Variants in PYGM observed in about 807,000 individuals in gnomAD.
PYGM encodes the protein glycogen phosphorylase, muscle associated, also known as glycogen phosphorylase, muscle form.
A neutral mutation model predicts 99.3 loss-of-function variants in PYGM; 81 were observed. The ratio of observed to expected loss-of-function variants is 0.82; its 90% CI spans 0.68 to 0.98. The LOEUF is 0.98. PYGM is among the 50% of genes least tolerant of loss of function. PYGM has a pLI of 0.00. For missense variants in PYGM, 1,030 were observed against 1,158.1 expected, an observed-to-expected ratio of 0.89 and a Z score of 1.61; for synonymous variants, 436 against 451.5, an observed-to-expected ratio of 0.97 and a Z score of 0.44.
rs761724503 is a variant in PYGM, at chr11:64,753,670, C to T, written c.1252G>A (p.Ala418Thr). 6.2e-6 allele frequency: 10 copies of T among 1,606,942 alleles called. No homozygotes were observed. The highest frequency in any genetic ancestry group is 5.0e-5 in the Admixed American group (3 of 59,742). ...NQRFLNRVAA[A>T]FPGDVDRLRR... ...AGCCGGTCTACGTCCCCTGGGAATG[C>T]GGCCGCCACCCGCTGTGCCCAGAGA... Residue 418 changes from alanine (A) to threonine (T), a missense_variant, in exon 11 of 20, where the codon GCA (alanine) becomes ACA (threonine). Coordinates refer to ENST00000164139, the MANE Select transcript of PYGM (RefSeq NM_005609.4).
rs2058382137 is a variant in PYGM, at chr11:64,754,668, G to C, written c.999+25C>G. ...GCCTAGCACACACTGTCCGGTCACA[G>C]AGTCGCCCTCCACACGCATGGTACC... On this transcript the variant is annotated intron_variant, in intron 8 of 19. Transcript: ENST00000164139. This position sits in a 1 kb window ranked among gnomAD's most constrained non-coding sequence, Gnocchi z 5.5. 6.2e-7 allele frequency: 1 copy of C among 1,611,850 alleles called. No individual in the cohort carries two copies. Among genetic ancestry groups the C allele is most frequent in the South Asian group, 1.1e-5 (1 of 90,842 alleles).
chr11:64,749,636 C>T (rs1304360131), intron 17 of PYGM, among the ~76,000 whole-genome samples: 1 of 149,676 alleles, frequency 6.7e-6, no homozygotes. Flanking sequence ...AGCGAGACTC[C>T]GTCTCAAAAA....
Position 64,754,121 on chromosome 11 carries a change from G to A in PYGM, c.1093-96C>T. ...AGTGGGCCCCCCCACTGCAGTGCCA[G>A]GTTCCAGGACGGTCCCTCTGGCCTC... On this transcript the variant is annotated intron_variant, in intron 9 of 19. Transcript: ENST00000164139. The surrounding 1 kb of genome is among the most constrained non-coding windows in gnomAD (Gnocchi z 5.5). The A allele has an allele frequency of 6.2e-7, 1 of 1,600,474 alleles. No homozygotes were observed. Among genetic ancestry groups the A allele is most frequent in the Non-Finnish European group, 8.6e-7 (1 of 1,169,108 alleles).
chr11:64,757,458 C>G (rs562795893), intron 5 of PYGM, among the ~76,000 whole-genome samples: 53 of 152,144 alleles, frequency 3.5e-4, no homozygotes, highest in Non-Finnish European at 6.3e-4. Context: ...CTGCTGCTGT[C>G]GAGATGTTCA....
chr11:64,754,960 C>T lies in PYGM; in HGVS notation c.856-124G>A. On this transcript the variant is annotated intron_variant, in intron 7 of 19. Coordinates refer to ENST00000164139, the MANE Select transcript of PYGM (RefSeq NM_005609.4). This position sits in a 1 kb window ranked among gnomAD's most constrained non-coding sequence, Gnocchi z 5.5. ...CCTGAGCCCTGAGCCGGCCCCCTCT[C>T]TGGGACCCAGGGGCCTTTCCTCCAC... The T allele has an allele frequency of 7.3e-7, 1 of 1,374,656 alleles. No homozygotes were observed. Among genetic ancestry groups the T allele is most frequent in the Non-Finnish European group, 9.9e-7 (1 of 1,012,666 alleles). 85.2% of individuals were successfully genotyped at this position (1,374,656 alleles called of 1,614,324 possible).
At position 64,751,960 on chromosome 11, in the gene PYGM, G is replaced by A. The variant is rs753587100; in HGVS notation, c.1732C>T (p.Leu578Phe). 1 of 1,614,212 alleles carries A rather than the reference G, an allele frequency of 6.2e-7. No homozygotes were observed. Among genetic ancestry groups the A allele is most frequent in the Non-Finnish European group, 8.5e-7 (1 of 1,180,034 alleles). Residue 578 changes from leucine to phenylalanine, a missense_variant, in exon 14 of 20, where the codon CTC (leucine) becomes TTC (phenylalanine). Physicochemically the swap from Leu to Phe is conservative, Grantham distance 22. Coordinates refer to ENST00000164139, the MANE Select transcript of PYGM (RefSeq NM_005609.4). Reference protein sequence around the residue: ...VKRIHEYKRQLLNCLHVITLY... With the variant: ...VKRIHEYKRQFLNCLHVITLY... ...GTGATGACATGGAGGCAGTTGAGGA[G>A]CTGTCGTTTATATTCGTGAATCCGC...
chr11:64,747,028 G>C, intron 18 of PYGM, 41 bp from the exon 19 acceptor site: 1 of 1,605,996 alleles, frequency 6.2e-7, no homozygotes, highest in East Asian at 2.2e-5. Flanking sequence ...CCTTTAGGGG[G>C]CTAGGATAAG....
At position 64,755,667 on chromosome 11, in the gene PYGM, G is replaced by A. The variant is rs2058389912; in HGVS notation, c.661-109C>T. ...CTGCACTCTGCAGACCCAGGCTCTTGTCCTTGTCTAGCATCGATGAGCTGG... is the reference window on the plus strand; with the variant it reads ...CTGCACTCTGCAGACCCAGGCTCTTATCCTTGTCTAGCATCGATGAGCTGG... On this transcript the variant is annotated intron_variant, in intron 5 of 19. Transcript: ENST00000164139. This position sits in a 1 kb window ranked among gnomAD's most constrained non-coding sequence, Gnocchi z 4.1. 2 of 833,944 alleles carry A rather than the reference G, an allele frequency of 2.4e-6. No homozygotes were observed. Among genetic ancestry groups the A allele is most frequent in the African/African-American group, 1.7e-5 (1 of 59,294 alleles). The allele number at this position is 833,944 out of a possible 1,614,324, so 51.7% of individuals were successfully genotyped here. A position where few individuals can be genotyped will look rare whatever the true frequency, so the allele number is the denominator to read the frequency against.
At position 64,755,616 on chromosome 11, in the gene PYGM, C is replaced by G; in HGVS notation, c.661-58G>C. 2.9e-6 allele frequency: 4 copies of G among 1,358,128 alleles called. No homozygotes were observed. Among genetic ancestry groups the G allele is most frequent in the Non-Finnish European group, 4.2e-6 (4 of 955,182 alleles). The allele number at this position is 1,358,128 out of a possible 1,614,324, so 84.1% of individuals were successfully genotyped here. A position where few individuals can be genotyped will look rare whatever the true frequency, so the allele number is the denominator to read the frequency against. On this transcript the variant is annotated intron_variant, in intron 5 of 19. Transcript: ENST00000164139. This position sits in a 1 kb window ranked among gnomAD's most constrained non-coding sequence, Gnocchi z 4.1. ...GCCCTGGCAATTGCCTCCCTCCCCT[C>G]AGGGCTGGGACTCAAGGCTTTATCC...
At chr11:64,752,786 A>C (rs1239680068) in intron 12 of PYGM, among the ~76,000 whole-genome samples, 1 of 152,002 alleles carries the variant, frequency 6.6e-6, no homozygotes, top group Non-Finnish European at 1.5e-5. Flanking sequence ...CGCCTTCCCT[A>C]CCAGATATCT....
chr11:64,756,401 G>A (rs563147416), intron 5 of PYGM, among the ~76,000 whole-genome samples: 8 of 152,354 alleles, frequency 5.3e-5, no homozygotes, highest in Admixed American at 5.2e-4. Flanking sequence ...CCATCTGGGG[G>A]CTGATGACCT....
rs759361512 is a variant in PYGM, at chr11:64,758,515, G to C, written c.346C>G (p.Leu116Val). The C allele has an allele frequency of 1.9e-5, 30 of 1,613,998 alleles. No individual in the cohort carries two copies. Among genetic ancestry groups the C allele is most frequent in the Non-Finnish European group, 2.5e-5 (30 of 1,180,026 alleles). Reference sequence around the variant, plus strand: ...TCCAGCTCCTCCATGTCCAGGCCCAGCTGGAGGAGTGAGGGTGACAGTGGT... The same window carrying C: ...TCCAGCTCCTCCATGTCCAGGCCCACCTGGAGGAGTGAGGGTGACAGTGGT... Reference protein sequence around the residue: ...ENACDEATYQLGLDMEELEEI... With the variant: ...ENACDEATYQVGLDMEELEEI... The change falls in exon 3 of 20, where the codon CTG becomes GTG. Residue 116 changes from leucine to valine, a missense_variant and splice_region_variant. Transcript: ENST00000164139.
Position 64,759,642 on chromosome 11 carries a change from C to A in PYGM, c.243+14G>T. 13 of 1,613,066 alleles carry A rather than the reference C, an allele frequency of 8.1e-6. No homozygotes were observed. Among genetic ancestry groups the A allele is most frequent in the Non-Finnish European group, 1.0e-5 (12 of 1,179,800 alleles). On this transcript the variant is annotated intron_variant, in intron 1 of 19. Coordinates refer to ENST00000164139, the MANE Select transcript of PYGM (RefSeq NM_005609.4). ...CTTCAGCCCATACCCCCACCCCAGG[C>A]TCCCCAGCAGCACCTTGGGGTCCTT...
chr11:64,746,518 A>G lies in PYGM; in HGVS notation c.*141T>C. On this transcript the variant is annotated 3_prime_UTR_variant, in exon 20 of 20. Transcript: ENST00000164139. ...GTCCTTAGTCACGCTGGACACTGGG[A>G]CATTGAGAGTGGGGAAAATGAGGGT... is the stretch of plus-strand genomic sequence containing the variant. 3 of 1,186,542 alleles carry G rather than the reference A, an allele frequency of 2.5e-6. No homozygotes were observed. Among genetic ancestry groups the G allele is most frequent in the Non-Finnish European group, 3.6e-6 (3 of 822,064 alleles). 73.5% of individuals were successfully genotyped at this position (1,186,542 alleles called of 1,614,324 possible).
intron 17 of PYGM, among the ~76,000 whole-genome samples, chr11:64,749,950 G>C (rs961964506): frequency 6.6e-6 from 1 of 151,852 alleles, no homozygotes; most frequent in Admixed American, 6.6e-5. Flanking sequence ...CTGCCAACAC[G>C]CCCGGCTAAT....
chr11:64,754,287 A>T lies in PYGM; in HGVS notation c.1058T>A (p.Ile353Asn). The T allele has an allele frequency of 1.1e-5, 17 of 1,613,718 alleles. No homozygotes were observed. Among genetic ancestry groups the T allele is most frequent in the Non-Finnish European group, 1.4e-5 (17 of 1,179,910 alleles). ...GTCCATCCGTTCCAGGTCCACCAGG[A>T]TCCTCATCAGCTCGGGGATGGCCAG... ...PSLAIPELMR[I>N]LVDLERMDWD... The change falls in exon 9 of 20, where the codon ATC (isoleucine) becomes AAC (asparagine). Residue 353 changes from isoleucine (I) to asparagine (N), a missense_variant. Transcript: ENST00000164139. This position sits in a 1 kb window ranked among gnomAD's most constrained non-coding sequence, Gnocchi z 5.5.
intron 2 of PYGM, 24 bp downstream of exon 2, chr11:64,758,579 C>G (rs149330285): frequency 6.2e-7 from 1 of 1,613,092 alleles, no homozygotes; most frequent in Admixed American, 1.7e-5. Flanking sequence ...CCAGTCCCCA[C>G]GGCTTGCCCC....
At chr11:64,758,057 G>T in intron 4 of PYGM, 147 bp from the exon 5 acceptor site, 1 of 1,413,678 alleles carries the variant, frequency 7.1e-7, no homozygotes, top group Non-Finnish European at 9.7e-7. Flanking sequence ...TGGTCTGCTG[G>T]GCTATCGAGT....
rs2058378547 is a variant in PYGM at position 64,754,179 on chromosome 11, C to T, written c.1092+74G>A. ...GATCCCTTCACTCCATTCATATCCT[C>T]CCACGCTCCCAAACTGGGAAGGGAA... On this transcript the variant is annotated intron_variant, in intron 9 of 19. Transcript: ENST00000164139. The surrounding 1 kb of genome is among the most constrained non-coding windows in gnomAD (Gnocchi z 5.5). The T allele has an allele frequency of 6.3e-6, 10 of 1,579,534 alleles. No individual in the cohort carries two copies. The Admixed American group carries it at 6.7e-5, about 11-fold the overall frequency.
Sources: gnomAD v4.1 joint callset for allele counts (sites outside exome capture counted in the v4.1 genomes callset) on GRCh38, gnomAD v4.1.1 for gene constraint, Gnocchi (gnomAD v3.1) non-coding constraint, MANE v1.5 for transcripts, NCBI Gene and HGNC (gene_info 2026-07-23, HGNC 2026-07-21) for gene names.